MCPH1: variants seen among roughly 807,000 people sequenced by gnomAD.
The protein encoded by MCPH1 is microcephalin.
MCPH1 carries 104 observed loss-of-function variants against 84.5 expected under a neutral mutation model. The ratio of observed to expected loss-of-function variants is 1.23; its 90% CI spans 1.05 to 1.45. The LOEUF (loss-of-function observed/expected upper bound fraction) is 1.45. Among genes scored for constraint, MCPH1 ranks in the 40% most tolerant of loss-of-function variants. MCPH1 has a pLI of 0.00. For synonymous variants in MCPH1, 514 were observed against 366.8 expected (o/e 1.40, Z -4.58); for missense variants, 1,498 against 1,005.7 (o/e 1.49, Z -6.62).
chr8:6,432,482 A>C (rs142164101), intron 4 of MCPH1, among the ~76,000 whole-genome samples: 213 of 152,382 alleles, frequency 1.4e-3, no homozygotes, highest in African/African-American at 4.9e-3. Context: ...CATTTGAGAT[A>C]GAATTCACAT....
intron 12 of MCPH1, among the ~76,000 whole-genome samples, chr8:6,607,382 C>T (rs1274546195): frequency 1.3e-5 from 2 of 152,212 alleles, no homozygotes; most frequent in African/African-American, 2.4e-5. Context: ...CCAAGTTTGC[C>T]TGTTTCTGTG....
chr8:6,606,429 T>C (rs967436794), intron 12 of MCPH1, among the ~76,000 whole-genome samples: 2 of 152,182 alleles, frequency 1.3e-5, no homozygotes, highest in Non-Finnish European at 2.9e-5. Flanking sequence ...AAGGCTTCAT[T>C]TAAAAACCTA....
intron 3 of MCPH1, among the ~76,000 whole-genome samples, chr8:6,422,755 C>G (rs1049401200): frequency 6.6e-5 from 10 of 152,166 alleles, no homozygotes; most frequent in Non-Finnish European, 8.8e-5. Context: ...GTGGTGCGAT[C>G]TCGGCTTACT....
rs200032430 is a variant in MCPH1 at position 6,562,610 on chromosome 8, T to C, written c.2215-58844T>C. On this transcript the variant is annotated intron_variant, in intron 12 of 13. Transcript: ENST00000344683. ...TGAGCTGCTGCCAAGCTGATCTTAA[T>C]AGCATGTTCACAAAGACAGATGGAT... 23 of 1,068,632 alleles carry C rather than the reference T, an allele frequency of 2.2e-5. No homozygotes were observed. In the East Asian group the frequency reaches 8.0e-4, roughly 37 times the overall value. The allele number at this position is 1,068,632 out of a possible 1,614,324, so 66.2% of individuals were successfully genotyped here.
chr8:6,602,264 T>G (rs1829432253), intron 12 of MCPH1, among the ~76,000 whole-genome samples: 1 of 152,166 alleles, frequency 6.6e-6, no homozygotes, highest in South Asian at 2.1e-4. Context: ...AGCAGGGCGG[T>G]GCACACTTTG....
intron 12 of MCPH1, chr8:6,502,903 C>G (rs1812471248): frequency 5.1e-6 from 3 of 589,316 alleles, no homozygotes; most frequent in Admixed American, 3.2e-5. Context: ...TGTTTAGGGT[C>G]TTGCTTTGGT....
chr8:6,414,958 C>T (rs893890005), intron 3 of MCPH1, 75 bp downstream of exon 3: 7 of 1,475,646 alleles, frequency 4.7e-6, no homozygotes, highest in Non-Finnish European at 6.6e-6. Flanking sequence ...TTTCACAGAT[C>T]GCAGAACCAG....
chr8:6,555,465 C>CTT (rs530250678), intron 12 of MCPH1, among the ~76,000 whole-genome samples: 3,938 of 142,592 alleles, frequency 0.028, 198 homozygotes, highest in African/African-American at 0.092. Context: ...GTGGTTTGCC[C>CTT]TTTTTTTTTT....
At chr8:6,631,613 G>A (rs1468961568) in intron 13 of MCPH1, among the ~76,000 whole-genome samples, 3 of 150,346 alleles carry the variant, frequency 2.0e-5, no homozygotes, top group African/African-American at 7.3e-5. Context: ...ACCACAATGA[G>A]ATAGCACCTC....
At chr8:6,450,963 C>T (rs1484010996) in intron 8 of MCPH1, among the ~76,000 whole-genome samples, 1 of 152,148 alleles carries the variant, frequency 6.6e-6, no homozygotes, top group Non-Finnish European at 1.5e-5. Flanking sequence ...CCGCCTCTGC[C>T]TCCCAAAGTG....
intron 11 of MCPH1, among the ~76,000 whole-genome samples, chr8:6,481,458 T>C (rs915384299): frequency 3.4e-4 from 52 of 152,388 alleles, no homozygotes; most frequent in African/African-American, 1.2e-3. Context: ...GGTTCTATTA[T>C]TACTTTCATC....
At chr8:6,569,203 A>T (rs1489766943) in intron 12 of MCPH1, among the ~76,000 whole-genome samples, 1 of 152,204 alleles carries the variant, frequency 6.6e-6, no homozygotes, top group East Asian at 1.9e-4. Flanking sequence ...AGAACTAGAG[A>T]AATAGCCACA....
At chr8:6,538,388 G>T (rs11989215) in intron 12 of MCPH1, among the ~76,000 whole-genome samples, 1 of 151,904 alleles carries the variant, frequency 6.6e-6, no homozygotes. Context: ...CTTTCATCCC[G>T]CTGTCAGAGT....
intron 5 of MCPH1, 81 bp from the exon 6 acceptor site, chr8:6,438,872 G>C: frequency 1.5e-6 from 2 of 1,301,984 alleles, no homozygotes; most frequent in East Asian, 2.3e-5. Flanking sequence ...GGGTGTGGGG[G>C]GTTGTTCTTT....
At chr8:6,625,714 T>A (rs756539031) in intron 13 of MCPH1, 331 of 978,430 alleles carry the variant, frequency 3.4e-4, no homozygotes, top group Non-Finnish European at 3.8e-4. Context: ...AGCCCATAAG[T>A]TCAAGGCTGC....
At chr8:6,455,790 A>G (rs1046003454) in intron 9 of MCPH1, among the ~76,000 whole-genome samples, 25 of 152,240 alleles carry the variant, frequency 1.6e-4, no homozygotes, top group African/African-American at 6.0e-4. Context: ...ATCATTCAAT[A>G]TCTACTTGCA....
intron 11 of MCPH1, among the ~76,000 whole-genome samples, chr8:6,496,893 T>G (rs1389280333): frequency 6.6e-6 from 1 of 152,076 alleles, no homozygotes; most frequent in African/African-American, 2.4e-5. Context: ...CCACCCCCAG[T>G]TTTCTCTCAT....
At chr8:6,468,502 A>G (rs898795895) in intron 9 of MCPH1, among the ~76,000 whole-genome samples, 4 of 152,230 alleles carry the variant, frequency 2.6e-5, no homozygotes, top group African/African-American at 9.6e-5. Context: ...GCAAGGAGCT[A>G]GGTGCATGTG....
At chr8:6,568,837 G>A (rs1201893684) in intron 12 of MCPH1, among the ~76,000 whole-genome samples, 2 of 152,258 alleles carry the variant, frequency 1.3e-5, no homozygotes, top group African/African-American at 4.8e-5. Flanking sequence ...GGCCTTGGAG[G>A]CGGTGACTGC....
Sources: allele counts gnomAD v4.1 joint callset (sites outside exome capture counted in the v4.1 genomes callset), GRCh38; gene constraint gnomAD v4.1.1; transcripts MANE v1.5; gene names NCBI Gene and HGNC (gene_info 2026-07-23, HGNC 2026-07-21).